The following RANBP2 variants were observed in gnomAD, a reference collection of about 807,000 sequenced individuals.
RANBP2 encodes E3 SUMO-protein ligase RanBP2.
A neutral mutation model predicts 303.6 loss-of-function variants in RANBP2; 57 were observed. The observed-to-expected ratio is 0.19, with a 90% confidence interval of 0.15 to 0.23. The LOEUF is 0.23. Among genes scored for constraint, RANBP2 ranks in the 10% least tolerant of loss-of-function variants. RANBP2 has a pLI of 1.00. For synonymous variants in RANBP2, 1,167 were observed against 1,301.5 expected (o/e 0.90, Z 2.23); for missense variants, 3,138 against 3,780.8 (o/e 0.83, Z 4.46).
At chr2:109,341,949 CAG>C in the RANBP2 span, among the ~76,000 whole-genome samples, 1,728 of 152,294 alleles carry the variant, frequency 0.011, 28 homozygotes, top group African/African-American at 0.04. Flanking sequence ...AAGTGGGTAT[CAG>C]GGGTCATTAG....
At chr2:108,794,479 T>A in the RANBP2 span, 1 of 1,448,316 alleles carries the variant, frequency 6.9e-7, no homozygotes, top group Middle Eastern at 1.8e-4. Flanking sequence ...AAGGTTACTC[T>A]GAGAATATTT....
At chr2:109,469,905 G>T in the RANBP2 span, among the ~76,000 whole-genome samples, 1 of 152,186 alleles carries the variant, frequency 6.6e-6, no homozygotes, top group African/African-American at 2.4e-5. Flanking sequence ...TTCTGTGGGG[G>T]TCTGAGCCTG....
rs143297644 is a variant in RANBP2, at chr2:108,720,305, C to A, written c.72+627C>A. 0.01 allele frequency: 8,074 copies of A among 801,212 alleles called. 683 individuals are homozygous for A. The African/African-American group carries it at 0.15, about 14-fold the overall frequency. The allele number at this position is 801,212 out of a possible 1,614,324, so 49.6% of individuals were successfully genotyped here. ...CCAGCTCCACTCCGCTCCTCATACTCACCTCCCTCGCCCCCCTCCCCGCCC... is the reference window on the plus strand; with the variant it reads ...CCAGCTCCACTCCGCTCCTCATACTAACCTCCCTCGCCCCCCTCCCCGCCC... On this transcript the variant is annotated intron_variant, in intron 1 of 28. Coordinates refer to ENST00000283195, the MANE Select transcript of RANBP2 (RefSeq NM_006267.5).
chr2:108,953,597 T>C, the RANBP2 span, among the ~76,000 whole-genome samples: 1 of 152,154 alleles, frequency 6.6e-6, no homozygotes, highest in Non-Finnish European at 1.5e-5. Context: ...TCCAGTTCTA[T>C]AGTTGTTTTT....
the RANBP2 span, among the ~76,000 whole-genome samples, chr2:109,380,750 C>T: frequency 6.6e-6 from 1 of 152,280 alleles, no homozygotes; most frequent in East Asian, 1.9e-4. Flanking sequence ...TCTCACCCTG[C>T]CCACCTTAGC....
chr2:109,490,194 T>A, the RANBP2 span, among the ~76,000 whole-genome samples: 1 of 152,226 alleles, frequency 6.6e-6, no homozygotes, highest in Non-Finnish European at 1.5e-5. Context: ...TTTCAAGATG[T>A]CCATGTAGGC....
At chr2:109,292,484 G>T in the RANBP2 span, among the ~76,000 whole-genome samples, 2 of 152,130 alleles carry the variant, frequency 1.3e-5, no homozygotes, top group East Asian at 1.9e-4. Context: ...AAATCATTGC[G>T]CATATTTCCC....
the RANBP2 span, among the ~76,000 whole-genome samples, chr2:109,531,948 A>T: frequency 6.6e-6 from 1 of 152,236 alleles, no homozygotes; most frequent in Admixed American, 6.5e-5. Context: ...TTGGCCAAAG[A>T]TCTTTTTCAG....
At chr2:109,454,489 T>C in the RANBP2 span, among the ~76,000 whole-genome samples, 1 of 152,232 alleles carries the variant, frequency 6.6e-6, no homozygotes, top group East Asian at 1.9e-4. Context: ...TTGCTGTCCC[T>C]GTGCAGTTGA....
chr2:108,872,409 A>C, the RANBP2 span, among the ~76,000 whole-genome samples: 1 of 152,212 alleles, frequency 6.6e-6, no homozygotes, highest in African/African-American at 2.4e-5. Flanking sequence ...CTGTGAAAGT[A>C]ATGAGTTTGG....
the RANBP2 span, among the ~76,000 whole-genome samples, chr2:109,351,700 A>G: frequency 9.9e-5 from 15 of 152,200 alleles, no homozygotes; most frequent in South Asian, 2.1e-4. Context: ...ACTTTTGCAC[A>G]TGACTGCAGC....
chr2:109,689,569 G>A, the RANBP2 span, among the ~76,000 whole-genome samples: 1 of 152,208 alleles, frequency 6.6e-6, no homozygotes, highest in Non-Finnish European at 1.5e-5. Context: ...GCAAGGAGCT[G>A]TAGCATATTT....
chr2:109,297,937 C>G, the RANBP2 span, among the ~76,000 whole-genome samples: 24 of 152,208 alleles, frequency 1.6e-4, no homozygotes, highest in South Asian at 8.3e-4. Context: ...GTGTTCCCCC[C>G]CCACCACCAG....
chr2:109,561,008 T>A, the RANBP2 span, among the ~76,000 whole-genome samples: 9 of 152,176 alleles, frequency 5.9e-5, no homozygotes, highest in Admixed American at 5.2e-4. Context: ...TCCTTCACAT[T>A]AGAGCAAATA....
the RANBP2 span, among the ~76,000 whole-genome samples, chr2:109,386,564 T>C: frequency 6.6e-6 from 1 of 152,222 alleles, no homozygotes; most frequent in Admixed American, 6.5e-5. Context: ...CCCTTGAGTG[T>C]GAGTCCTCTA....
At chr2:109,380,198 C>G in the RANBP2 span, among the ~76,000 whole-genome samples, 1 of 152,126 alleles carries the variant, frequency 6.6e-6, no homozygotes, top group Non-Finnish European at 1.5e-5. Flanking sequence ...TGCCTAGGTA[C>G]CGGCTCGCCC....
At chr2:109,299,727 C>T in the RANBP2 span, among the ~76,000 whole-genome samples, 1 of 152,206 alleles carries the variant, frequency 6.6e-6, no homozygotes, top group Non-Finnish European at 1.5e-5. Context: ...GAAAGAGAAT[C>T]CTCAAGCAAG....
At chr2:109,428,110 T>C in the RANBP2 span, among the ~76,000 whole-genome samples, 16 of 152,068 alleles carry the variant, frequency 1.1e-4, no homozygotes, top group Non-Finnish European at 2.2e-4. Context: ...TGCACCTAGA[T>C]GGAAGAGGTG....
chr2:109,657,044 G>A, the RANBP2 span, among the ~76,000 whole-genome samples: 1 of 152,148 alleles, frequency 6.6e-6, no homozygotes, highest in African/African-American at 2.4e-5. Context: ...TGATATGATT[G>A]GAAATATGAA....
Sources: allele counts gnomAD v4.1 joint callset (sites outside exome capture counted in the v4.1 genomes callset), GRCh38; gene constraint gnomAD v4.1.1; transcripts MANE v1.5; gene names NCBI Gene and HGNC (gene_info 2026-07-23, HGNC 2026-07-21).